The following SLC9B1 variants were observed in gnomAD, a reference collection of about 807,000 sequenced individuals.
SLC9B1 encodes the protein sodium/hydrogen exchanger 9B1.
In SLC9B1, 32 loss-of-function variants were observed where a neutral mutation model predicts 51.7. The observed-to-expected ratio is 0.62, with a 90% CI of 0.47 to 0.83. The LOEUF (loss-of-function observed/expected upper bound fraction) is 0.83, where lower values mean the gene tolerates loss of function less well. Among genes scored for constraint, SLC9B1 ranks in the 40% least tolerant of loss-of-function variants. SLC9B1 has a pLI of 0.00. For missense variants in SLC9B1, 406 were observed against 613.2 expected (o/e 0.66, Z 3.57); for synonymous variants, 145 against 212.7 (o/e 0.68, Z 2.77).
chr4:102,916,301 C>T (rs1297770843), intron 7 of SLC9B1, among the ~76,000 whole-genome samples: 1 of 151,992 alleles, frequency 6.6e-6, no homozygotes, highest in African/African-American at 2.4e-5. Flanking sequence ...CATACTTAGA[C>T]AAAATAGAGT....
At chr4:102,975,586 A>ATTTTTTTTTTTTTTTTTTT (rs1197166005) in intron 3 of SLC9B1, among the ~76,000 whole-genome samples, 4 of 62,304 alleles carry the variant, frequency 6.4e-5, no homozygotes, top group Non-Finnish European at 8.0e-5. Flanking sequence ...ATATATATAT[A>ATTTTTTTTTTTTTTTTTTT]TTTTTTTTTT....
rs1232264417 is a variant in SLC9B1, at chr4:102,945,278, CT to C, written c.567del (p.Gly190ValfsTer18). On this transcript the variant is annotated frameshift_variant, in exon 6 of 12. Transcript: ENST00000296422. ...HLKVVCFRLA[V>X]GPCLMEASAA... ...GCACTTGCCTCCATAAGGCATGGAC[CT>C]ACAGCCAATCTGAAACAAACGACCT... The C allele has an allele frequency of 6.2e-7, 1 of 1,602,600 alleles. No homozygotes were observed. Among genetic ancestry groups the C allele is most frequent in the East Asian group, 2.2e-5 (1 of 44,760 alleles).
intron 3 of SLC9B1, among the ~76,000 whole-genome samples, chr4:102,969,323 C>A (rs1024711491): frequency 3.3e-5 from 5 of 152,156 alleles, no homozygotes; most frequent in African/African-American, 1.2e-4. Context: ...TGTTCTGCAG[C>A]CTCCAATGGT....
intron 7 of SLC9B1, among the ~76,000 whole-genome samples, chr4:102,927,504 G>A (rs2110453288): frequency 6.6e-6 from 1 of 152,288 alleles, no homozygotes; most frequent in Middle Eastern, 3.4e-3. Flanking sequence ...TCAGAGAAAT[G>A]CAAATCAAAA....
chr4:102,928,156 C>T (rs561885292), intron 7 of SLC9B1, among the ~76,000 whole-genome samples: 1 of 152,228 alleles, frequency 6.6e-6, no homozygotes, highest in East Asian at 1.9e-4. Flanking sequence ...AGCAAACCAA[C>T]ACGGCACATG....
chr4:103,007,255 A>T (rs1024690367), intron 1 of SLC9B1, among the ~76,000 whole-genome samples: 1 of 152,216 alleles, frequency 6.6e-6, no homozygotes, highest in Non-Finnish European at 1.5e-5. Flanking sequence ...GCTCCTAGAT[A>T]TAAAAAACTA....
chr4:102,945,187 A>G lies in SLC9B1; in HGVS notation c.653+6T>C, dbSNP rs1369331528. 6.4e-7 allele frequency: 1 copy of G among 1,571,626 alleles called. No homozygotes were observed. The highest frequency in any genetic ancestry group is 1.9e-5 in the Admixed American group (1 of 53,570). ...TTTTCATAAGAAAAAATGAGAAAGA[A>G]ATTACCCTAATAGAAATGCCCATTG... On this transcript the variant is annotated splice_donor_region_variant and intron_variant, in intron 6 of 11. Coordinates refer to ENST00000296422, the MANE Select transcript of SLC9B1 (RefSeq NM_139173.4).
intron 6 of SLC9B1, chr4:102,941,367 C>CACGT: frequency 4.8e-6 from 2 of 412,786 alleles, no homozygotes; most frequent in South Asian, 3.5e-5. Context: ...AGAAGACAAA[C>CACGT]ACGTAGTCAA....
At chr4:102,928,261 G>A (rs1736287681) in intron 7 of SLC9B1, among the ~76,000 whole-genome samples, 1 of 152,150 alleles carries the variant, frequency 6.6e-6, no homozygotes, top group African/African-American at 2.4e-5. Flanking sequence ...TCTACCAGAT[G>A]TCCTCAATCA....
chr4:102,955,847 A>G (rs200086892), intron 3 of SLC9B1, among the ~76,000 whole-genome samples: 85 of 74,796 alleles, frequency 1.1e-3, no homozygotes, highest in Middle Eastern at 6.8e-3. Context: ...GAGAGAGAGA[A>G]AGAAAGAAAG....
intron 3 of SLC9B1, among the ~76,000 whole-genome samples, chr4:102,979,901 A>G (rs983289945): frequency 2.0e-5 from 3 of 152,196 alleles, no homozygotes; most frequent in African/African-American, 7.2e-5. Context: ...TTTACAAGAA[A>G]AAAAACAAAC....
intron 6 of SLC9B1, among the ~76,000 whole-genome samples, chr4:102,942,425 C>T (rs1045347229): frequency 1.3e-5 from 2 of 152,154 alleles, no homozygotes; most frequent in Non-Finnish European, 2.9e-5. Flanking sequence ...TGACTTCAAA[C>T]TATACTATAA....
chr4:102,959,486 C>A (rs570509479), intron 3 of SLC9B1, among the ~76,000 whole-genome samples: 1 of 152,246 alleles, frequency 6.6e-6, no homozygotes, highest in East Asian at 1.9e-4. Context: ...CTAGGAAAAT[C>A]AGAACATTTC....
chr4:102,994,909 A>G (rs1013828891), intron 1 of SLC9B1, among the ~76,000 whole-genome samples: 2 of 152,170 alleles, frequency 1.3e-5, no homozygotes, highest in African/African-American at 4.8e-5. Context: ...CCCCTGACAC[A>G]TGGGGATTAT....
chr4:102,923,064 C>T (rs1194695457), intron 7 of SLC9B1, among the ~76,000 whole-genome samples: 1 of 152,082 alleles, frequency 6.6e-6, no homozygotes, highest in Non-Finnish European at 1.5e-5. Flanking sequence ...TTTATGAGGC[C>T]AACATCATCC....
At position 102,987,041 on chromosome 4, in the gene SLC9B1, A is replaced by G. The variant is rs567376780; in HGVS notation, c.211+2759T>C. 3.6e-4 allele frequency among the ~76,000 whole-genome samples: 55 copies of G among 152,316 alleles called. No individual in the cohort carries two copies. The Middle Eastern group carries it at 0.01, about 28-fold the overall frequency. On this transcript the variant is annotated intron_variant, in intron 3 of 11. Transcript: ENST00000296422. The stretch of plus-strand genomic sequence containing the variant: ...TGTAAATTTTAGTTGAAAGATAAAC[A>G]TGATGTACTGAGTAAAAGGACCTGT...
intron 3 of SLC9B1, among the ~76,000 whole-genome samples, chr4:102,988,982 T>C (rs1739807287): frequency 6.6e-6 from 1 of 152,034 alleles, no homozygotes; most frequent in Non-Finnish European, 1.5e-5. Context: ...CATGGGAACA[T>C]ATGTATATTT....
intron 7 of SLC9B1, among the ~76,000 whole-genome samples, chr4:102,922,174 C>G (rs1227829114): frequency 6.6e-6 from 1 of 152,192 alleles, no homozygotes; most frequent in Non-Finnish European, 1.5e-5. Context: ...AAGCACTAGT[C>G]AGCAAATGTA....
chr4:102,909,764 T>A (rs1735247254), intron 9 of SLC9B1, among the ~76,000 whole-genome samples: 1 of 152,300 alleles, frequency 6.6e-6, no homozygotes, highest in African/African-American at 2.4e-5. Context: ...TCTTTTACAT[T>A]TTATTCTATA....
Sources: allele counts gnomAD v4.1 joint callset (sites outside exome capture counted in the v4.1 genomes callset), GRCh38; gene constraint gnomAD v4.1.1; transcripts MANE v1.5; gene names NCBI Gene and HGNC (gene_info 2026-07-23, HGNC 2026-07-21).